CSNK1A1: variants seen among roughly 807,000 people sequenced by gnomAD.
CSNK1A1 encodes the protein casein kinase 1 alpha 1.
In CSNK1A1, 7 loss-of-function variants were observed where a neutral mutation model predicts 46.1. The ratio of observed to expected loss-of-function variants is 0.15; its 90% CI spans 0.09 to 0.29. CSNK1A1 has a LOEUF of 0.29. Among genes scored for constraint, CSNK1A1 ranks in the 10% least tolerant of loss-of-function variants. The pLI is 1.00. For synonymous variants in CSNK1A1, 137 were observed against 141.5 expected (o/e 0.97, Z 0.23); for missense variants, 96 against 417.1 (o/e 0.23, Z 6.71).
chr5:149,549,524 A>T (rs570671245), intron 2 of CSNK1A1: 79 of 701,996 alleles, frequency 1.1e-4, no homozygotes, highest in Non-Finnish European at 1.8e-4. Context: ...CTAAAGGAGG[A>T]ATCAAGGAAG....
At chr5:149,534,831 G>A (rs1013094578) in intron 2 of CSNK1A1, among the ~76,000 whole-genome samples, 1 of 151,122 alleles carries the variant, frequency 6.6e-6, no homozygotes, top group Admixed American at 6.6e-5. Context: ...AGCTGAGGCA[G>A]GAGGATCACT....
Position 149,550,253 on chromosome 5 carries a change from C to G in CSNK1A1, c.124-72G>C, listed in dbSNP as rs1405715133. 1 of 1,552,840 alleles carries G rather than the reference C, an allele frequency of 6.4e-7. No homozygotes were observed. The highest frequency in any genetic ancestry group is 2.3e-5 in the East Asian group (1 of 43,212). ...AATGTCACTTAGGAAAGGAGGGAGA[C>G]ATTAGCAAAACTCCAAGTCGCGACT... On this transcript the variant is annotated intron_variant, in intron 1 of 9. Coordinates refer to ENST00000377843, the MANE Select transcript of CSNK1A1 (RefSeq NM_001892.6). The surrounding 1 kb of genome is among the most constrained non-coding windows in gnomAD (Gnocchi z 4.3).
Position 149,511,778 on chromosome 5 carries a change from T to C in CSNK1A1, c.675+16A>G, listed in dbSNP as rs1243431986. On this transcript the variant is annotated intron_variant, in intron 6 of 9. Transcript: ENST00000377843. ...AAAAAGAGAGAGAAAAATCTGATAA[T>C]GTGAGTCTGGTTTACCTTTAGCCCT... The C allele has an allele frequency of 2.6e-6, 4 of 1,541,782 alleles. No homozygotes were observed. Among genetic ancestry groups the C allele is most frequent in the East Asian group, 4.6e-5 (2 of 43,938 alleles).
At chr5:149,501,053 C>T (rs1760841879) in intron 9 of CSNK1A1, 1 of 985,234 alleles carries the variant, frequency 1.0e-6, no homozygotes, top group East Asian at 1.1e-4. Flanking sequence ...GGTAGATGGT[C>T]TGCATTCAAC....
intron 2 of CSNK1A1, chr5:149,549,625 G>C: frequency 1.5e-6 from 1 of 662,246 alleles, no homozygotes; most frequent in Admixed American, 2.1e-5. Flanking sequence ...AGGAAGACAT[G>C]TTGGAACAAA....
At chr5:149,538,881 C>T (rs1199718592) in intron 2 of CSNK1A1, among the ~76,000 whole-genome samples, 1 of 150,534 alleles carries the variant, frequency 6.6e-6, no homozygotes, top group African/African-American at 2.4e-5. Context: ...GAGATTGTGC[C>T]ATTGCACTCC....
chr5:149,497,163 C>T lies in CSNK1A1; in HGVS notation c.1007-303G>A, dbSNP rs12055320. ...GCATGTTTCTGCATTTTTACATATG[C>T]AGAACATATTAGGCATTCACATATT... On this transcript the variant is annotated intron_variant, in intron 9 of 9. Coordinates refer to ENST00000377843, the MANE Select transcript of CSNK1A1 (RefSeq NM_001892.6). 1.4e-5 allele frequency: 16 copies of T among 1,124,688 alleles called. No homozygotes were observed. In the South Asian group the frequency reaches 4.6e-4, roughly 32 times the overall value. The allele number at this position is 1,124,688 out of a possible 1,614,324, so 69.7% of individuals were successfully genotyped here.
chr5:149,526,347 T>C (rs1761724841), intron 2 of CSNK1A1, among the ~76,000 whole-genome samples: 1 of 152,122 alleles, frequency 6.6e-6, no homozygotes, highest in Non-Finnish European at 1.5e-5. Flanking sequence ...TCAAATTTCT[T>C]GTAAAGGCAG....
intron 2 of CSNK1A1, among the ~76,000 whole-genome samples, chr5:149,545,004 C>T (rs559481453): frequency 6.0e-5 from 9 of 150,758 alleles, no homozygotes; most frequent in South Asian, 4.2e-4. Flanking sequence ...GGTGTGGCGG[C>T]GCGCCTGTAA....
chr5:149,497,452 G>C, intron 9 of CSNK1A1: 1 of 985,962 alleles, frequency 1.0e-6, no homozygotes. Context: ...ATGTAAGCAA[G>C]TGATGCTTTT....
chr5:149,528,472 T>C (rs933334560), intron 2 of CSNK1A1, among the ~76,000 whole-genome samples: 1 of 152,208 alleles, frequency 6.6e-6, no homozygotes. Flanking sequence ...CCATCTGTGC[T>C]CTTCCATCTG....
chr5:149,517,745 A>G lies in CSNK1A1; in HGVS notation c.456+2545T>C, dbSNP rs1172289673. 1.7e-6 allele frequency: 2 copies of G among 1,156,654 alleles called. No individual in the cohort carries two copies. Among genetic ancestry groups the G allele is most frequent in the East Asian group, 5.0e-5 (2 of 40,172 alleles). The allele number at this position is 1,156,654 out of a possible 1,614,324, so 71.6% of individuals were successfully genotyped here. On this transcript the variant is annotated intron_variant, in intron 4 of 9. Coordinates refer to ENST00000377843, the MANE Select transcript of CSNK1A1 (RefSeq NM_001892.6). The surrounding 1 kb of genome is among the most constrained non-coding windows in gnomAD (Gnocchi z 4.4). ...CATCAAAATAAAACAATAAAAAAGAAAAGCACATGAATTTGGGATTGAGGT... is the reference window on the plus strand; with the variant it reads ...CATCAAAATAAAACAATAAAAAAGAGAAGCACATGAATTTGGGATTGAGGT...
chr5:149,507,963 T>C (rs574760698), intron 7 of CSNK1A1, among the ~76,000 whole-genome samples: 108 of 152,314 alleles, frequency 7.1e-4, no homozygotes, highest in Non-Finnish European at 1.2e-3. Flanking sequence ...ATAAACATTT[T>C]CAAGGCTCTA....
intron 3 of CSNK1A1, among the ~76,000 whole-genome samples, chr5:149,522,803 T>A (rs1398288896): frequency 2.0e-5 from 3 of 152,196 alleles, no homozygotes; most frequent in Non-Finnish European, 2.9e-5. Context: ...TCTACAACTC[T>A]ACAACAAGGA....
At chr5:149,540,708 CA>C (rs1762201247) in intron 2 of CSNK1A1, among the ~76,000 whole-genome samples, 2 of 151,892 alleles carry the variant, frequency 1.3e-5, no homozygotes, top group Admixed American at 6.6e-5. Context: ...CAAGGATGAG[CA>C]ATGTGTGCAT....
chr5:149,516,155 A>C (rs893719176), intron 4 of CSNK1A1, among the ~76,000 whole-genome samples: 53 of 152,242 alleles, frequency 3.5e-4, no homozygotes, highest in African/African-American at 1.2e-3. Context: ...CCCCATCTCC[A>C]CTAAAAATAC....
intron 2 of CSNK1A1, among the ~76,000 whole-genome samples, chr5:149,528,933 T>C (rs1302359650): frequency 1.3e-5 from 2 of 152,192 alleles, no homozygotes; most frequent in Non-Finnish European, 2.9e-5. Context: ...ACTCATTTAC[T>C]TTCTAGGCCT....
rs1161139949 is a variant in CSNK1A1 at position 149,517,272 on chromosome 5, G to A, written c.456+3018C>T. ...CTCTGTAAATATCCATTTGCTAGAA[G>A]TTGAGAATACAGACTGAGGAAATAA... On this transcript the variant is annotated intron_variant, in intron 4 of 9. Coordinates refer to ENST00000377843, the MANE Select transcript of CSNK1A1 (RefSeq NM_001892.6). The surrounding 1 kb of genome is among the most constrained non-coding windows in gnomAD (Gnocchi z 4.4). 6.6e-6 allele frequency among the ~76,000 whole-genome samples: 1 copy of A among 152,076 alleles called. No individual in the cohort carries two copies. Among genetic ancestry groups the A allele is most frequent in the East Asian group, 1.9e-4 (1 of 5,188 alleles).
chr5:149,539,574 AATT>A (rs1447540052), intron 2 of CSNK1A1, among the ~76,000 whole-genome samples: 2 of 152,066 alleles, frequency 1.3e-5, no homozygotes, highest in Admixed American at 1.3e-4. Context: ...TATTGTTATT[AATT>A]ATTAATATAC....
Sources: allele counts gnomAD v4.1 joint callset (sites outside exome capture counted in the v4.1 genomes callset), GRCh38; gene constraint gnomAD v4.1.1; non-coding constraint Gnocchi (gnomAD v3.1); transcripts MANE v1.5; gene names NCBI Gene and HGNC (gene_info 2026-07-23, HGNC 2026-07-21).